Variants in SYT14 observed in about 807,000 individuals in gnomAD.
SYT14 encodes synaptotagmin 14.
Under a neutral mutation model 74.2 loss-of-function variants are expected in SYT14, and 32 were observed. The observed-to-expected ratio is 0.43, with a 90% confidence interval of 0.33 to 0.58. The LOEUF (loss-of-function observed/expected upper bound fraction) is 0.58. Among genes scored for constraint, SYT14 ranks in the 20% least tolerant of loss-of-function variants. SYT14 has a pLI of 0.05. For missense variants in SYT14, 791 were observed against 981.8 expected, an observed-to-expected ratio of 0.81 and a Z score of 2.60; for synonymous variants, 298 against 337.7, an observed-to-expected ratio of 0.88 and a Z score of 1.29.
intron 7 of SYT14, among the ~76,000 whole-genome samples, chr1:210,153,662 A>G (rs1193501878): frequency 6.6e-6 from 1 of 152,162 alleles, no homozygotes; most frequent in African/African-American, 2.4e-5. Context: ...CTGTGTACAT[A>G]ATTATGTAAT....
At chr1:210,023,495 C>T (rs560733337) in intron 5 of SYT14, among the ~76,000 whole-genome samples, 352 of 152,236 alleles carry the variant, frequency 2.3e-3, no homozygotes, top group Non-Finnish European at 4.0e-3. Context: ...AGGCGCCTGC[C>T]ACCATGCCCA....
intron 5 of SYT14, among the ~76,000 whole-genome samples, chr1:210,065,023 A>G (rs1424903921): frequency 6.6e-6 from 1 of 152,026 alleles, no homozygotes; most frequent in Admixed American, 6.6e-5. Context: ...TTAATGACTA[A>G]TGGTGTTAGG....
At chr1:210,006,934 C>G (rs965992071) in intron 2 of SYT14, among the ~76,000 whole-genome samples, 1 of 151,592 alleles carries the variant, frequency 6.6e-6, no homozygotes, top group Non-Finnish European at 1.5e-5. Flanking sequence ...ATTTTCTTAG[C>G]TAGAAAATGT....
chr1:210,049,454 T>TTC (rs936795369), intron 5 of SYT14, among the ~76,000 whole-genome samples: 1 of 151,924 alleles, frequency 6.6e-6, no homozygotes, highest in African/African-American at 2.4e-5. Flanking sequence ...AAATTATACT[T>TTC]TAAGTCCTGG....
At chr1:210,022,338 A>C (rs138576933) in intron 5 of SYT14, among the ~76,000 whole-genome samples, 4 of 152,210 alleles carry the variant, frequency 2.6e-5, no homozygotes, top group Admixed American at 6.5e-5. Context: ...AATGATTACT[A>C]TATGGTCATT....
At chr1:209,943,041 T>C (rs1014725013) in intron 1 of SYT14, among the ~76,000 whole-genome samples, 2 of 152,312 alleles carry the variant, frequency 1.3e-5, no homozygotes, top group East Asian at 3.9e-4. Context: ...AGGTTTCTTT[T>C]GGCTCTAAGA....
intron 7 of SYT14, among the ~76,000 whole-genome samples, chr1:210,132,643 A>G (rs1039484183): frequency 1.3e-5 from 2 of 151,566 alleles, no homozygotes; most frequent in African/African-American, 4.9e-5. Context: ...ACATGTGGCC[A>G]TACTTTATGT....
At chr1:209,944,002 AG>A (rs1360639535) in intron 1 of SYT14, among the ~76,000 whole-genome samples, 1 of 152,202 alleles carries the variant, frequency 6.6e-6, no homozygotes, top group East Asian at 1.9e-4. Flanking sequence ...AATTTCTAAG[AG>A]CCACACATAT....
intron 5 of SYT14, among the ~76,000 whole-genome samples, chr1:210,050,691 C>T (rs1035566635): frequency 1.3e-5 from 2 of 152,190 alleles, no homozygotes; most frequent in African/African-American, 4.8e-5. Flanking sequence ...GTGAAAGGCA[C>T]GTCTCACATG....
chr1:210,105,520 A>G lies in SYT14; in HGVS notation c.2034+5059A>G, dbSNP rs143128488. Among the ~76,000 whole-genome samples the G allele has an allele frequency of 1.8e-3, 277 of 152,348 alleles. 1 individual carries two copies. The highest frequency in any genetic ancestry group is 6.3e-3 in the African/African-American group (264 of 41,586). ...GAGGAAGTAAACCATTGTTGAATTA[A>G]GCTGCTGAGAATTTGGAGTTCTCTG... On this transcript the variant is annotated intron_variant, in intron 7 of 9. Transcript: ENST00000637265.
At chr1:210,043,459 T>TA (rs891509256) in intron 5 of SYT14, among the ~76,000 whole-genome samples, 4 of 151,232 alleles carry the variant, frequency 2.6e-5, no homozygotes, top group African/African-American at 7.3e-5. Context: ...AATATGTGTG[T>TA]AAAAAAAAAT....
intron 2 of SYT14, among the ~76,000 whole-genome samples, chr1:209,985,433 A>G (rs1051316015): frequency 2.0e-5 from 3 of 152,234 alleles, no homozygotes; most frequent in African/African-American, 7.2e-5. Flanking sequence ...TGGGCTCCCA[A>G]TGCCTTCGGC....
intron 5 of SYT14, among the ~76,000 whole-genome samples, chr1:210,028,197 A>G (rs2080454642): frequency 1.3e-5 from 2 of 148,196 alleles, no homozygotes; most frequent in Admixed American, 6.8e-5. Context: ...AGTCAGCATG[A>G]TGTCATCAAG....
intron 1 of SYT14, among the ~76,000 whole-genome samples, chr1:209,948,213 C>T (rs2078853323): frequency 6.6e-6 from 1 of 152,188 alleles, no homozygotes; most frequent in Non-Finnish European, 1.5e-5. Flanking sequence ...TGCCATGTAA[C>T]TACATATTTT....
intron 5 of SYT14, among the ~76,000 whole-genome samples, chr1:210,049,706 A>G (rs1433322616): frequency 6.6e-6 from 1 of 152,120 alleles, no homozygotes; most frequent in Non-Finnish European, 1.5e-5. Context: ...TTCCTGCCCA[A>G]ACACCAGTTC....
At chr1:210,112,557 C>T (rs924146467) in intron 7 of SYT14, among the ~76,000 whole-genome samples, 1 of 150,946 alleles carries the variant, frequency 6.6e-6, no homozygotes, top group African/African-American at 2.5e-5. Context: ...TTGGGAGTGA[C>T]CGATGAGAAG....
intron 5 of SYT14, among the ~76,000 whole-genome samples, chr1:210,091,900 C>A (rs1437225286): frequency 6.6e-6 from 1 of 152,024 alleles, no homozygotes; most frequent in Non-Finnish European, 1.5e-5. Context: ...ATCTGTGAGG[C>A]AATATGCTCA....
At chr1:210,100,303 G>C in exon 7 of SYT14, 1 of 1,614,108 alleles carries the variant, frequency 6.2e-7, no homozygotes, top group South Asian at 1.1e-5. Context: ...TGTTGAATCT[G>C]AGATGATTGG....
At chr1:210,155,454 G>A (rs2083249536) in intron 7 of SYT14, among the ~76,000 whole-genome samples, 1 of 152,262 alleles carries the variant, frequency 6.6e-6, no homozygotes, top group South Asian at 2.1e-4. Context: ...GCATCTATAA[G>A]TTTAAGCAAC....
Sources: allele counts gnomAD v4.1 joint callset (sites outside exome capture counted in the v4.1 genomes callset), GRCh38; gene constraint gnomAD v4.1.1; transcripts MANE v1.5; gene names NCBI Gene and HGNC (gene_info 2026-07-23, HGNC 2026-07-21).